AGPAT4: variants seen among roughly 807,000 people sequenced by gnomAD.
AGPAT4 encodes the protein 1-acylglycerol-3-phosphate O-acyltransferase 4, also known as 1-acyl-sn-glycerol-3-phosphate acyltransferase delta.
In AGPAT4, 15 loss-of-function variants were observed where a neutral mutation model predicts 48.0. That is an observed-to-expected ratio of 0.31 (90% CI 0.21 to 0.48). The LOEUF is 0.48. Among genes scored for constraint, AGPAT4 ranks in the 20% least tolerant of loss-of-function variants. AGPAT4 has a pLI of 0.99. For missense variants in AGPAT4, 314 were observed against 482.5 expected (o/e 0.65, Z 3.27); for synonymous variants, 178 against 198.7 (o/e 0.90, Z 0.88).
In AGPAT4 at chr6:161,170,874, C is replaced by T. The variant is rs551111576; in HGVS notation, c.179-4457G>A. On this transcript the variant is annotated intron_variant, in intron 2 of 8. Coordinates refer to ENST00000320285, the MANE Select transcript of AGPAT4 (RefSeq NM_020133.3). ...AGCATTTCAAGTACGTTCAGCCTGT[C>T]CTTCCACTCTCACCATCAGTTCACA... is the stretch of plus-strand genomic sequence containing the variant. Among the ~76,000 whole-genome samples, 87 of 152,332 alleles carry T rather than the reference C, an allele frequency of 5.7e-4. 1 individual carries two copies. The highest frequency in any genetic ancestry group is 1.1e-3 in the Non-Finnish European group (72 of 68,040).
chr6:161,203,381 C>CTTTTTTTT (rs10585542), intron 2 of AGPAT4, among the ~76,000 whole-genome samples: 6 of 110,786 alleles, frequency 5.4e-5, no homozygotes, highest in South Asian at 2.8e-4. Flanking sequence ...CTTTTTCTTT[C>CTTTTTTTT]TTTTTTTTTT....
chr6:161,191,903 CTG>C (rs1202886427), intron 2 of AGPAT4, among the ~76,000 whole-genome samples: 1 of 152,186 alleles, frequency 6.6e-6, no homozygotes, highest in African/African-American at 2.4e-5. Context: ...AGTGATTTAA[CTG>C]TGTTTCTTTC....
At chr6:161,167,102 A>G (rs1780122134) in intron 2 of AGPAT4, among the ~76,000 whole-genome samples, 1 of 152,196 alleles carries the variant, frequency 6.6e-6, no homozygotes, top group African/African-American at 2.4e-5. Flanking sequence ...AGGCTCAGGA[A>G]AAGCCTCTAG....
rs10585542 is a variant in AGPAT4 at position 161,203,381 on chromosome 6, C to CT, written c.178+28654dup. ...TTGTGGGAGAGTGTTCTTTTTCTTT[C>CT]TTTTTTTTTTTTTTTTTTTTTTTTG... On this transcript the variant is annotated intron_variant, in intron 2 of 8. Transcript: ENST00000320285. 7.0e-3 allele frequency among the ~76,000 whole-genome samples: 774 copies of CT among 110,630 alleles called. 5 individuals are homozygous for CT. The highest frequency in any genetic ancestry group is 0.012 in the African/African-American group (389 of 31,542). 72.6% of individuals were successfully genotyped at this position (110,630 alleles called of 152,430 possible).
chr6:161,252,241 G>A (rs1175081251), intron 1 of AGPAT4, among the ~76,000 whole-genome samples: 1 of 152,166 alleles, frequency 6.6e-6, no homozygotes, highest in Non-Finnish European at 1.5e-5. Flanking sequence ...GGTAATAGGA[G>A]AGTCCTCTCT....
In AGPAT4 at chr6:161,237,483, G is replaced by A. The variant is rs567251561; in HGVS notation, c.-89-5181C>T. Among the ~76,000 whole-genome samples the A allele has an allele frequency of 2.0e-5, 3 of 152,316 alleles. No homozygotes were observed. In the East Asian group the frequency reaches 5.8e-4, roughly 29 times the overall value. ...TTCGTATAAGGATGGGAGAGACAAA[G>A]GGGGTTAAATACATAGGGGATGTTG... On this transcript the variant is annotated intron_variant, in intron 1 of 8. Coordinates refer to ENST00000320285, the MANE Select transcript of AGPAT4 (RefSeq NM_020133.3).
At chr6:161,150,227 T>A (rs1254148705) in intron 5 of AGPAT4, among the ~76,000 whole-genome samples, 3 of 152,076 alleles carry the variant, frequency 2.0e-5, no homozygotes, top group Non-Finnish European at 4.4e-5. Flanking sequence ...CTTGCTGAAG[T>A]GTAAGAGCAC....
At position 161,161,216 on chromosome 6, in the gene AGPAT4, AC is replaced by A. The variant is rs1019389585; in HGVS notation, c.348+5031del. The A allele has an allele frequency of 4.4e-5, 20 of 456,338 alleles. No individual in the cohort carries two copies. Among genetic ancestry groups the A allele is most frequent in the African/African-American group, 4.0e-4 (20 of 49,984 alleles). 28.3% of individuals were successfully genotyped at this position (456,338 alleles called of 1,614,324 possible). ...AGGATCCTGGTCAACAAAGAAGAAGACCCCGGTGTGTCCAACGTGGGACCGG... is the reference window on the plus strand; with the variant it reads ...AGGATCCTGGTCAACAAAGAAGAAGACCCGGTGTGTCCAACGTGGGACCGG... On this transcript the variant is annotated intron_variant, in intron 3 of 8. Transcript: ENST00000320285. The surrounding 1 kb of genome is among the most constrained non-coding windows in gnomAD (Gnocchi z 4.6).
Position 161,214,205 on chromosome 6 carries a change from A to G in AGPAT4, c.178+17831T>C, listed in dbSNP as rs957118117. 6.6e-6 allele frequency among the ~76,000 whole-genome samples: 1 copy of G among 152,148 alleles called. No individual in the cohort carries two copies. Among genetic ancestry groups the G allele is most frequent in the Non-Finnish European group, 1.5e-5 (1 of 68,030 alleles). ...CAGACCAAACCAATGTTCATGTTAC[A>G]TCTGTTGATTGATGTCTCGTGTCTC... On this transcript the variant is annotated intron_variant, in intron 2 of 8. Transcript: ENST00000320285. This position sits in a 1 kb window ranked among gnomAD's most constrained non-coding sequence, Gnocchi z 5.4.
Position 161,262,377 on chromosome 6 carries a change from C to T in AGPAT4, c.-90+11561G>A, listed in dbSNP as rs1285934619. On this transcript the variant is annotated intron_variant, in intron 1 of 8. Transcript: ENST00000320285. The surrounding 1 kb of genome is among the most constrained non-coding windows in gnomAD (Gnocchi z 4.9). The stretch of plus-strand genomic sequence containing the variant: ...CTGCAGCCATGGTGGCCAGCTGCCG[C>T]GTCTGTCCCTGCCACACAGGGGCTA... Among the ~76,000 whole-genome samples the T allele has an allele frequency of 2.6e-5, 4 of 152,320 alleles. No homozygotes were observed. Among genetic ancestry groups the T allele is most frequent in the African/African-American group, 4.8e-5 (2 of 41,588 alleles).
chr6:161,229,429 G>T lies in AGPAT4; in HGVS notation c.178+2607C>A, dbSNP rs1782065803. 6.6e-6 allele frequency among the ~76,000 whole-genome samples: 1 copy of T among 152,080 alleles called. No homozygotes were observed. ...TAAGCTGCTGAATTCCCCACAAACT[G>T]TCTCCTCCTCTGGCTGATCAGTGGC... On this transcript the variant is annotated intron_variant, in intron 2 of 8. Coordinates refer to ENST00000320285, the MANE Select transcript of AGPAT4 (RefSeq NM_020133.3). The surrounding 1 kb of genome is among the most constrained non-coding windows in gnomAD (Gnocchi z 6.0).
Position 161,171,541 on chromosome 6 carries a change from C to T in AGPAT4, c.179-5124G>A, listed in dbSNP as rs1009221968. Among the ~76,000 whole-genome samples the T allele has an allele frequency of 6.6e-6, 1 of 152,184 alleles. No individual in the cohort carries two copies. The highest frequency in any genetic ancestry group is 1.5e-5 in the Non-Finnish European group (1 of 68,030). On this transcript the variant is annotated intron_variant, in intron 2 of 8. Coordinates refer to ENST00000320285, the MANE Select transcript of AGPAT4 (RefSeq NM_020133.3). This position sits in a 1 kb window ranked among gnomAD's most constrained non-coding sequence, Gnocchi z 4.4. Reference sequence around the variant, plus strand: ...ATAATGGCATTAACAAGGGCAAAGCCCTCATGACCTAATCACCTCTTAAAG... The same window carrying T: ...ATAATGGCATTAACAAGGGCAAAGCTCTCATGACCTAATCACCTCTTAAAG...
At position 161,254,699 on chromosome 6, in the gene AGPAT4, T is replaced by A. The variant is rs576707389; in HGVS notation, c.-90+19239A>T. On this transcript the variant is annotated intron_variant, in intron 1 of 8. Coordinates refer to ENST00000320285, the MANE Select transcript of AGPAT4 (RefSeq NM_020133.3). This position sits in a 1 kb window ranked among gnomAD's most constrained non-coding sequence, Gnocchi z 5.9. ...GCATGGGTTAGCAAATCCTTAGATT[T>A]ACTGAGGCTACTTACAACTTCTTCT... 6.6e-6 allele frequency among the ~76,000 whole-genome samples: 1 copy of A among 152,352 alleles called. No homozygotes were observed. Among genetic ancestry groups the A allele is most frequent in the African/African-American group, 2.4e-5 (1 of 41,594 alleles).
intron 5 of AGPAT4, among the ~76,000 whole-genome samples, chr6:161,152,244 G>C (rs1272580208): frequency 6.6e-6 from 1 of 152,110 alleles, no homozygotes; most frequent in Admixed American, 6.5e-5. Context: ...GAAGAATGTG[G>C]GGAAGAAGAA....
intron 2 of AGPAT4, among the ~76,000 whole-genome samples, chr6:161,193,818 T>A (rs1199014496): frequency 6.6e-6 from 1 of 152,156 alleles, no homozygotes; most frequent in African/African-American, 2.4e-5. Flanking sequence ...TTGCCTGGTA[T>A]GTCCTTACTA....
chr6:161,211,685 AG>A (rs1236622438), intron 2 of AGPAT4, among the ~76,000 whole-genome samples: 1 of 152,208 alleles, frequency 6.6e-6, no homozygotes, highest in African/African-American at 2.4e-5. Flanking sequence ...TGGTTTACTT[AG>A]GAAAAAACTG....
rs190223342 is a variant in AGPAT4 at position 161,208,056 on chromosome 6, G to A, written c.178+23980C>T. 1.8e-4 allele frequency among the ~76,000 whole-genome samples: 27 copies of A among 152,152 alleles called. No homozygotes were observed. Among genetic ancestry groups the A allele is most frequent in the African/African-American group, 6.0e-4 (25 of 41,524 alleles). Reference sequence around the variant, plus strand: ...GAGAGATGGTAATAACCCTTTCCTAGGCTTCATTATTAATATTTCCTCCAC... The same window carrying A: ...GAGAGATGGTAATAACCCTTTCCTAAGCTTCATTATTAATATTTCCTCCAC... On this transcript the variant is annotated intron_variant, in intron 2 of 8. Coordinates refer to ENST00000320285, the MANE Select transcript of AGPAT4 (RefSeq NM_020133.3). The surrounding 1 kb of genome is among the most constrained non-coding windows in gnomAD (Gnocchi z 4.6).
rs371221897 is a variant in AGPAT4, at chr6:161,130,833, A to G, written c.*5707T>C. 3.7e-5 allele frequency: 19 copies of G among 518,928 alleles called. No homozygotes were observed. Among genetic ancestry groups the G allele is most frequent in the African/African-American group, 1.2e-4 (6 of 51,982 alleles). 32.1% of individuals were successfully genotyped at this position (518,928 alleles called of 1,614,324 possible). A position where few individuals can be genotyped will look rare whatever the true frequency, so the allele number is the denominator to read the frequency against. On this transcript the variant is annotated 3_prime_UTR_variant, in exon 9 of 9. Transcript: ENST00000320285. ...CTTAGACACTTTACAAGTCTGAGCC[A>G]TCCCGTACTAGTTCATCAACTTTCC...
chr6:161,269,419 T>C (rs927360429), intron 1 of AGPAT4, among the ~76,000 whole-genome samples: 1 of 152,214 alleles, frequency 6.6e-6, no homozygotes, highest in African/African-American at 2.4e-5. Flanking sequence ...TGTGAACAAT[T>C]TATAAAATTG....
Sources: gnomAD v4.1 joint callset for allele counts (sites outside exome capture counted in the v4.1 genomes callset) on GRCh38, gnomAD v4.1.1 for gene constraint, Gnocchi (gnomAD v3.1) non-coding constraint, MANE v1.5 for transcripts, NCBI Gene and HGNC (gene_info 2026-07-23, HGNC 2026-07-21) for gene names.